DLG3: variants seen among roughly 807,000 people sequenced by gnomAD.
DLG3 encodes the protein disks large homolog 3.
Under a neutral mutation model 64.1 loss-of-function variants are expected in DLG3, and 1 was observed. The ratio of observed to expected loss-of-function variants is 0.02; its 90% CI spans 0.01 to 0.07. The LOEUF is 0.07. Among genes scored for constraint, DLG3 ranks in the 10% least tolerant of loss-of-function variants. The probability of loss-of-function intolerance (pLI) is 1.00; values close to 1 mark genes in which losing one functional copy is unlikely to be tolerated. For synonymous variants in DLG3, 245 were observed against 259.8 expected, an observed-to-expected ratio of 0.94 and a Z score of 0.55; for missense variants, 429 against 669.5, an observed-to-expected ratio of 0.64 and a Z score of 3.96.
At chrX:70,463,729 T>C (rs1232483176) in intron 9 of DLG3, among the ~76,000 whole-genome samples, 3 of 111,912 alleles carry the variant, frequency 2.7e-5, no homozygotes, top group African/African-American at 9.7e-5. Context: ...CTTAGACTAG[T>C]CAACCTTCCT....
chrX:70,449,024 A>G, intron 2 of DLG3, 61 bp downstream of exon 2: 3 of 1,142,474 alleles, frequency 2.6e-6, no homozygotes, highest in Non-Finnish European at 3.6e-6. Flanking sequence ...AGGATAAGGG[A>G]GACCCCTGAA....
intron 13 of DLG3, among the ~76,000 whole-genome samples, chrX:70,496,815 T>C (rs939662440): frequency 1.8e-5 from 2 of 113,072 alleles, no homozygotes; most frequent in Non-Finnish European, 3.7e-5. Flanking sequence ...TGGACTTCTC[T>C]TTGCTCCTGT....
chrX:70,474,112 C>T (rs1343239143), intron 9 of DLG3, among the ~76,000 whole-genome samples: 1 of 111,764 alleles, frequency 8.9e-6, no homozygotes, highest in Non-Finnish European at 1.9e-5. Context: ...GATAGGCTGG[C>T]TGTGATGGGA....
At chrX:70,499,107 A>C in intron 14 of DLG3, 69 bp from the exon 15 acceptor site, 1 of 785,047 alleles carries the variant, frequency 1.3e-6, no homozygotes, top group Non-Finnish European at 1.9e-6. Context: ...TGTTCTAGCC[A>C]GACTCAGGGG....
chrX:70,474,852 A>G (rs2087026927), intron 9 of DLG3, among the ~76,000 whole-genome samples: 1 of 112,341 alleles, frequency 8.9e-6, no homozygotes, highest in Admixed American at 9.4e-5. Context: ...TCAAAGGTAA[A>G]TTCTGCCTCC....
chrX:70,450,581 T>A, intron 5 of DLG3, 58 bp from the exon 6 acceptor site: 2 of 1,189,028 alleles, frequency 1.7e-6, no homozygotes. Flanking sequence ...ATCCCTCGAG[T>A]TCCCTGGAGA....
intron 9 of DLG3, chrX:70,455,139 C>G: frequency 9.4e-6 from 7 of 746,765 alleles, no homozygotes; most frequent in Non-Finnish European, 1.1e-5. Flanking sequence ...CCTCCTTCCC[C>G]CTCCTCTCTC....
At chrX:70,466,247 T>TTG (rs61083333) in intron 9 of DLG3, among the ~76,000 whole-genome samples, 8,726 of 84,294 alleles carry the variant, frequency 0.1, 461 homozygotes, top group East Asian at 0.17. Context: ...TCTTGGTCAT[T>TTG]TGTGTGTGTG....
intron 9 of DLG3, among the ~76,000 whole-genome samples, chrX:70,466,246 T>TG (rs2086882216): frequency 1.3e-5 from 1 of 79,351 alleles, no homozygotes; most frequent in African/African-American, 4.9e-5. Flanking sequence ...TTCTTGGTCA[T>TG]TTGTGTGTGT....
At chrX:70,499,759 G>GAA in intron 15 of DLG3, 118 bp from the exon 16 acceptor site, 3 of 648,216 alleles carry the variant, frequency 4.6e-6, no homozygotes, top group Non-Finnish European at 7.0e-6. Flanking sequence ...CCACTTACTT[G>GAA]AAAAAAAAAA....
chrX:70,493,526 C>T, intron 12 of DLG3: 3 of 1,071,413 alleles, frequency 2.8e-6, no homozygotes, highest in Non-Finnish European at 2.6e-6. Context: ...CCCATCCTCT[C>T]ATCCTCAGTT....
In DLG3 at chrX:70,451,923, G is replaced by A. The variant is rs780951527; in HGVS notation, c.1042G>A (p.Gly348Arg). The A allele has an allele frequency of 8.3e-7, 1 of 1,211,437 alleles. No homozygotes were observed. The change falls in exon 7 of 19, where the codon GGG becomes AGG. Residue 348 changes from glycine to arginine, a missense_variant. Transcript: ENST00000374360. Reference sequence around the variant, plus strand: ...CCATAATTCCAGCCTGGGTTATCTCGGGGCTGTGGAGAGCAAGGTCAGCTA... The same window carrying A: ...CCATAATTCCAGCCTGGGTTATCTCAGGGCTGTGGAGAGCAAGGTCAGCTA... ...ISHNSSLGYL[G>R]AVESKVSYPA...
chrX:70,452,723 G>C (rs770212156), intron 7 of DLG3: 2 of 1,197,165 alleles, frequency 1.7e-6, no homozygotes, highest in South Asian at 1.9e-5. Context: ...GGGCCTGGCC[G>C]CTCCGCTCCC....
chrX:70,500,066 T>C lies in DLG3; in HGVS notation c.2145+17T>C, dbSNP rs774508854. ...GCAGAGAGGGTAAGTGTACAGGAGATGGCCTCAAAGGGGAGGCCAATGCTT... is the reference window on the plus strand; with the variant it reads ...GCAGAGAGGGTAAGTGTACAGGAGACGGCCTCAAAGGGGAGGCCAATGCTT... On this transcript the variant is annotated intron_variant, in intron 16 of 18. Transcript: ENST00000374360. The C allele has an allele frequency of 3.3e-5, 39 of 1,197,606 alleles. No homozygotes were observed. In the South Asian group the frequency reaches 4.8e-4, roughly 15 times the overall value.
At chrX:70,450,427 A>T in intron 5 of DLG3, 122 bp downstream of exon 5, 1 of 1,012,796 alleles carries the variant, frequency 9.9e-7, no homozygotes, top group Non-Finnish European at 1.3e-6. Flanking sequence ...AAGAGTTATC[A>T]TCTGTGTTGT....
chrX:70,452,644 C>A (rs2086634183), intron 7 of DLG3: 7 of 1,194,216 alleles, frequency 5.9e-6, no homozygotes, highest in Non-Finnish European at 7.9e-6. Context: ...CGCAAGTTCT[C>A]GGGCTCCGGC....
At chrX:70,501,477 T>C (rs1037656057) in intron 18 of DLG3, among the ~76,000 whole-genome samples, 1 of 107,557 alleles carries the variant, frequency 9.3e-6, no homozygotes, top group South Asian at 4.1e-4. Flanking sequence ...AAGGTTTCTA[T>C]GTAATACGTT....
chrX:70,467,131 C>G (rs188121060), intron 9 of DLG3, among the ~76,000 whole-genome samples: 1 of 111,205 alleles, frequency 9.0e-6, no homozygotes, highest in East Asian at 2.8e-4. Context: ...GCCCAGGCTG[C>G]TCTCTCAAAT....
chrX:70,460,614 C>T (rs1318460793), intron 9 of DLG3, among the ~76,000 whole-genome samples: 1 of 112,210 alleles, frequency 8.9e-6, no homozygotes, highest in African/African-American at 3.2e-5. Flanking sequence ...TATGACCTTA[C>T]GATTCATTCA....
Sources: allele counts gnomAD v4.1 joint callset (sites outside exome capture counted in the v4.1 genomes callset), GRCh38; gene constraint gnomAD v4.1.1; transcripts MANE v1.5; gene names NCBI Gene and HGNC (gene_info 2026-07-23, HGNC 2026-07-21).